The following RALYL variants were observed in gnomAD, a reference collection of about 807,000 sequenced individuals.
RALYL encodes the protein RALY RNA binding protein like.
A neutral mutation model predicts 35.1 loss-of-function variants in RALYL; 29 were observed. The observed-to-expected ratio is 0.83, with a 90% CI of 0.61 to 1.13. RALYL has a LOEUF of 1.13. RALYL is among the 50% of genes most tolerant of loss of function. The pLI is 0.00. For synonymous variants in RALYL, 120 were observed against 127.6 expected (o/e 0.94, Z 0.40); for missense variants, 359 against 360.4 (o/e 1.00, Z 0.03).
At chr8:84,833,460 A>G (rs900476823) in intron 4 of RALYL, among the ~76,000 whole-genome samples, 2 of 152,040 alleles carry the variant, frequency 1.3e-5, no homozygotes, top group African/African-American at 4.8e-5. Context: ...CAACATGAAG[A>G]AACCCTGTCT....
intron 1 of RALYL, among the ~76,000 whole-genome samples, chr8:84,377,628 G>A (rs1266229553): frequency 6.6e-6 from 1 of 151,478 alleles, no homozygotes; most frequent in Admixed American, 6.6e-5. Flanking sequence ...ACATGTGAGA[G>A]TGTCCTTTTC....
rs749243731 is a variant in RALYL, at chr8:84,494,492, G to T, written c.-23-34807G>T. On this transcript the variant is annotated intron_variant, in intron 1 of 8. Coordinates refer to ENST00000521268, the MANE Select transcript of RALYL (RefSeq NM_173848.7). ...TTATTGAATCTGTAAATTACTTTGG[G>T]CAGTATGGCCATTTTCATGATATTG... Among the ~76,000 whole-genome samples, 11 of 152,022 alleles carry T rather than the reference G, an allele frequency of 7.2e-5. No homozygotes were observed. In the South Asian group the frequency reaches 8.3e-4, roughly 11 times the overall value.
At chr8:84,514,284 G>A (rs1564066355) in intron 1 of RALYL, among the ~76,000 whole-genome samples, 1 of 152,062 alleles carries the variant, frequency 6.6e-6, no homozygotes, top group African/African-American at 2.4e-5. Flanking sequence ...AACCATGAAT[G>A]TGTTAAGATG....
chr8:84,188,826 G>A (rs1381453075), intron 1 of RALYL, among the ~76,000 whole-genome samples: 1 of 152,006 alleles, frequency 6.6e-6, no homozygotes, highest in African/African-American at 2.4e-5. Context: ...TGGGAATTTT[G>A]TTTTCTTTTG....
chr8:84,803,574 A>G (rs964458482), intron 3 of RALYL, among the ~76,000 whole-genome samples: 1 of 152,204 alleles, frequency 6.6e-6, no homozygotes, highest in Non-Finnish European at 1.5e-5. Context: ...CTTAGCACCA[A>G]CTATTGGTTT....
At chr8:84,267,042 A>G (rs1034993328) in intron 1 of RALYL, among the ~76,000 whole-genome samples, 1 of 151,866 alleles carries the variant, frequency 6.6e-6, no homozygotes, top group Non-Finnish European at 1.5e-5. Context: ...ACTTATACTG[A>G]GAGAGCGTAT....
intron 8 of RALYL, among the ~76,000 whole-genome samples, chr8:84,913,040 G>GTAGGTAGGTAGGTAGA (rs372305617): frequency 2.0e-3 from 261 of 130,136 alleles, no homozygotes; most frequent in East Asian, 0.01. Flanking sequence ...GGATAGGTAG[G>GTAGGTAGGTAGGTAGA]TAGATAGATA....
intron 1 of RALYL, among the ~76,000 whole-genome samples, chr8:84,313,534 A>C (rs889425782): frequency 6.6e-6 from 1 of 152,228 alleles, no homozygotes; most frequent in Non-Finnish European, 1.5e-5. Context: ...AGGAAAAGCT[A>C]GATCACTTCT....
At chr8:84,465,213 GC>G (rs1235794583) in intron 1 of RALYL, among the ~76,000 whole-genome samples, 4 of 131,564 alleles carry the variant, frequency 3.0e-5, no homozygotes, top group African/African-American at 1.1e-4. Flanking sequence ...TGAAGTCCTT[GC>G]CCATGCCTAT....
At chr8:84,893,957 A>G (rs1844309100) in intron 8 of RALYL, among the ~76,000 whole-genome samples, 1 of 152,224 alleles carries the variant, frequency 6.6e-6, no homozygotes, top group Non-Finnish European at 1.5e-5. Flanking sequence ...GTTGTAATAC[A>G]TCTTTCAGGA....
At chr8:84,310,899 T>C (rs1294109178) in intron 1 of RALYL, among the ~76,000 whole-genome samples, 4 of 142,916 alleles carry the variant, frequency 2.8e-5, no homozygotes, top group Admixed American at 2.1e-4. Context: ...TACAAAAAAT[T>C]AGCCGGGCGC....
intron 6 of RALYL, among the ~76,000 whole-genome samples, chr8:84,868,136 GCTTTGGAGTCAGGCAGC>G (rs1416032181): frequency 1.3e-5 from 2 of 152,110 alleles, no homozygotes; most frequent in Non-Finnish European, 2.9e-5. Flanking sequence ...TATACCCATG[GCTTTGGAGTCAGGCAGC>G]CCACTCTAAA....
At chr8:84,812,584 C>A (rs1436174345) in intron 4 of RALYL, among the ~76,000 whole-genome samples, 1 of 152,114 alleles carries the variant, frequency 6.6e-6, no homozygotes, top group Non-Finnish European at 1.5e-5. Flanking sequence ...AGCTCAGGCT[C>A]TCCTTCGATG....
At chr8:84,559,184 T>A (rs957448487) in intron 2 of RALYL, among the ~76,000 whole-genome samples, 1 of 152,000 alleles carries the variant, frequency 6.6e-6, no homozygotes, top group African/African-American at 2.4e-5. Flanking sequence ...TAAAATAATG[T>A]TTTTCTGTTC....
intron 1 of RALYL, among the ~76,000 whole-genome samples, chr8:84,510,490 A>C (rs2057519335): frequency 6.6e-6 from 1 of 152,126 alleles, no homozygotes; most frequent in Middle Eastern, 3.2e-3. Flanking sequence ...CCTCGGTAGC[A>C]ATTTTTCACC....
intron 1 of RALYL, among the ~76,000 whole-genome samples, chr8:84,416,736 A>G (rs1393048802): frequency 6.6e-6 from 1 of 152,162 alleles, no homozygotes; most frequent in Admixed American, 6.5e-5. Context: ...CCTCTTTCAG[A>G]AAACAAAATA....
At chr8:84,607,966 G>A (rs977855180) in intron 2 of RALYL, among the ~76,000 whole-genome samples, 7 of 150,792 alleles carry the variant, frequency 4.6e-5, no homozygotes, top group Non-Finnish European at 7.4e-5. Context: ...GTACTCAATC[G>A]AGTTGCTGTG....
intron 2 of RALYL, among the ~76,000 whole-genome samples, chr8:84,571,087 G>A (rs1588250274): frequency 6.6e-6 from 1 of 151,606 alleles, no homozygotes. Flanking sequence ...GTTCATCAGG[G>A]ATATTGCATG....
At chr8:84,877,135 T>A (rs1479537881) in intron 7 of RALYL, among the ~76,000 whole-genome samples, 1 of 152,210 alleles carries the variant, frequency 6.6e-6, no homozygotes, top group Non-Finnish European at 1.5e-5. Flanking sequence ...ATCACTCTTA[T>A]GTTCTCTGAA....
Sources: allele counts gnomAD v4.1 joint callset (sites outside exome capture counted in the v4.1 genomes callset), GRCh38; gene constraint gnomAD v4.1.1; transcripts MANE v1.5; gene names NCBI Gene and HGNC (gene_info 2026-07-23, HGNC 2026-07-21).